The following ARID2 variants were observed in gnomAD, a reference collection of about 807,000 sequenced individuals.
ARID2 encodes AT-rich interactive domain-containing protein 2.
In ARID2, 32 loss-of-function variants were observed where a neutral mutation model predicts 184.6. The observed-to-expected ratio is 0.17, with a 90% CI of 0.13 to 0.23. ARID2 has a LOEUF of 0.23. Among genes scored for constraint, ARID2 ranks in the 10% least tolerant of loss-of-function variants. The pLI is 1.00. For synonymous variants in ARID2, 836 were observed against 772.6 expected, an observed-to-expected ratio of 1.08 and a Z score of -1.36; for missense variants, 1,696 against 2,197.6, an observed-to-expected ratio of 0.77 and a Z score of 4.56.
intron 3 of ARID2, among the ~76,000 whole-genome samples, chr12:45,808,307 C>G (rs1168293329): frequency 6.6e-6 from 1 of 152,104 alleles, no homozygotes; most frequent in South Asian, 2.1e-4. Flanking sequence ...ACAAACTGAC[C>G]TTGTGCTTAT....
chr12:45,846,090 T>C (rs973802824), intron 11 of ARID2: 1 of 152,186 alleles, frequency 6.6e-6, no homozygotes, highest in Non-Finnish European at 1.5e-5. Context: ...ACTCATTTAT[T>C]CATTGACCTT....
At position 45,744,961 on chromosome 12, in the gene ARID2, A is replaced by G. The variant is rs1420556436; in HGVS notation, c.284+13647A>G. On this transcript the variant is annotated intron_variant, in intron 3 of 20. Coordinates refer to ENST00000334344, the MANE Select transcript of ARID2 (RefSeq NM_152641.4). The stretch of plus-strand genomic sequence containing the variant: ...TTCTTTGGCCCCCTCTTTATAAACT[A>G]TGGAGGTTAGCTTAAATGTGTGTGT... Among the ~76,000 whole-genome samples, 7 of 152,242 alleles carry G rather than the reference A, an allele frequency of 4.6e-5. No individual in the cohort carries two copies. In the East Asian group the frequency reaches 5.8e-4, roughly 13 times the overall value.
At chr12:45,820,665 T>G (rs1942880386) in intron 5 of ARID2, among the ~76,000 whole-genome samples, 1 of 152,154 alleles carries the variant, frequency 6.6e-6, no homozygotes, top group Non-Finnish European at 1.5e-5. Flanking sequence ...AAAAATACAT[T>G]GTATCACAGC....
chr12:45,890,655 A>G (rs1944286468), intron 16 of ARID2, among the ~76,000 whole-genome samples: 1 of 152,190 alleles, frequency 6.6e-6, no homozygotes. Flanking sequence ...ATGGAAATTA[A>G]ATATATAACT....
At chr12:45,871,619 G>A (rs868621100) in intron 16 of ARID2, among the ~76,000 whole-genome samples, 24 of 152,268 alleles carry the variant, frequency 1.6e-4, no homozygotes, top group African/African-American at 5.3e-4. Context: ...TGTCCTCATA[G>A]AATAAGTTAG....
intron 3 of ARID2, among the ~76,000 whole-genome samples, chr12:45,769,149 G>A (rs1417314068): frequency 1.3e-5 from 2 of 152,264 alleles, no homozygotes; most frequent in African/African-American, 2.4e-5. Context: ...TGTGAGATAT[G>A]TAAAGAACAT....
chr12:45,887,307 A>G (rs1470747886), intron 16 of ARID2, among the ~76,000 whole-genome samples: 1 of 152,234 alleles, frequency 6.6e-6, no homozygotes, highest in African/African-American at 2.4e-5. Context: ...AACTTGTTAC[A>G]GTAATTATAT....
At chr12:45,811,288 A>G in intron 3 of ARID2, 130 bp from the exon 4 acceptor site, 1 of 968,014 alleles carries the variant, frequency 1.0e-6, no homozygotes, top group African/African-American at 1.7e-5. Context: ...TTCTAATATA[A>G]GAGGTTTATG....
chr12:45,733,387 A>G (rs1038226265), intron 3 of ARID2, among the ~76,000 whole-genome samples: 3 of 152,220 alleles, frequency 2.0e-5, no homozygotes, highest in African/African-American at 4.8e-5. Flanking sequence ...CAGCAATTCT[A>G]TTACCTACCC....
rs970308435 is a variant in ARID2 at position 45,906,833 on chromosome 12, T to C, written c.*1755T>C. On this transcript the variant is annotated 3_prime_UTR_variant, in exon 21 of 21. Coordinates refer to ENST00000334344, the MANE Select transcript of ARID2 (RefSeq NM_152641.4). ...ATATGCCTTTTTTTACTGGATACTG[T>C]ACATTTGGCTAAAAGCTTTTATTGT... The C allele has an allele frequency of 4.3e-6, 1 of 232,206 alleles. No individual in the cohort carries two copies. The highest frequency in any genetic ancestry group is 8.5e-6 in the Non-Finnish European group (1 of 117,518). 14.4% of individuals were successfully genotyped at this position (232,206 alleles called of 1,614,324 possible). A position where few individuals can be genotyped will look rare whatever the true frequency, so the allele number is the denominator to read the frequency against.
At chr12:45,886,694 A>G (rs933008180) in intron 16 of ARID2, among the ~76,000 whole-genome samples, 2 of 152,170 alleles carry the variant, frequency 1.3e-5, no homozygotes, top group African/African-American at 4.8e-5. Flanking sequence ...CCAAACCTCA[A>G]TTTTTGATTT....
chr12:45,899,980 C>T (rs560011908), intron 20 of ARID2, among the ~76,000 whole-genome samples: 5 of 152,074 alleles, frequency 3.3e-5, no homozygotes, highest in African/African-American at 4.8e-5. Flanking sequence ...CCATCACAGT[C>T]GTTGATTAAA....
At chr12:45,837,929 G>T (rs931012730) in intron 10 of ARID2, among the ~76,000 whole-genome samples, 1 of 152,028 alleles carries the variant, frequency 6.6e-6, no homozygotes, top group South Asian at 2.1e-4. Context: ...ACATTGTCTT[G>T]TTTATTTTTT....
intron 4 of ARID2, among the ~76,000 whole-genome samples, chr12:45,815,651 T>C (rs1942791692): frequency 6.6e-6 from 1 of 152,086 alleles, no homozygotes; most frequent in Non-Finnish European, 1.5e-5. Flanking sequence ...TTCAGATATT[T>C]CCGAAATATT....
chr12:45,749,057 T>C (rs1941411770), intron 3 of ARID2, among the ~76,000 whole-genome samples: 1 of 152,236 alleles, frequency 6.6e-6, no homozygotes, highest in Admixed American at 6.5e-5. Context: ...GCATCTAGAA[T>C]GGTGAATCCT....
chr12:45,776,737 C>T (rs1941988853), intron 3 of ARID2, among the ~76,000 whole-genome samples: 2 of 150,976 alleles, frequency 1.3e-5, no homozygotes, highest in South Asian at 4.2e-4. Flanking sequence ...ATCGTTTGAG[C>T]CCAGGAGTTC....
At chr12:45,835,501 A>C (rs942820582) in intron 6 of ARID2, among the ~76,000 whole-genome samples, 1 of 151,414 alleles carries the variant, frequency 6.6e-6, no homozygotes, top group African/African-American at 2.4e-5. Context: ...TTTGATTCCA[A>C]AAAAAAAACC....
At chr12:45,835,385 C>G (rs1943199554) in intron 6 of ARID2, among the ~76,000 whole-genome samples, 1 of 151,730 alleles carries the variant, frequency 6.6e-6, no homozygotes, top group African/African-American at 2.4e-5. Flanking sequence ...TTTTTTATTG[C>G]TACCAAACAT....
Position 45,850,994 on chromosome 12 carries a change from T to C in ARID2, c.2871T>C (p.Gly957=), listed in dbSNP as rs2138166850. ...VLANPAALPA[G]QTVQLTGQPN... ...CTAATCCAGCAGCTCTTCCAGCTGG[T>C]CAGACAGTTCAGCTAACTGGACAAC... The change falls in exon 15 of 21, where the codon GGT becomes GGC. Residue 957 remains glycine (G), a synonymous_variant. Transcript: ENST00000334344. The C allele has an allele frequency of 1.2e-6, 2 of 1,614,120 alleles. No homozygotes were observed. Among genetic ancestry groups the C allele is most frequent in the Non-Finnish European group, 8.5e-7 (1 of 1,180,002 alleles).
Sources: gnomAD v4.1 joint callset for allele counts (sites outside exome capture counted in the v4.1 genomes callset) on GRCh38, gnomAD v4.1.1 for gene constraint, MANE v1.5 for transcripts, NCBI Gene and HGNC (gene_info 2026-07-23, HGNC 2026-07-21) for gene names.